Variants in PLCB1 observed in about 807,000 individuals in gnomAD.
The protein encoded by PLCB1 is phospholipase C beta 1.
PLCB1 carries 46 observed loss-of-function variants against 161.8 expected under a neutral mutation model. That is an observed-to-expected ratio of 0.28 (90% confidence interval 0.22 to 0.36). The LOEUF is 0.36. PLCB1 is among the 10% of genes least tolerant of loss of function. The pLI, the probability that PLCB1 is intolerant of heterozygous loss-of-function variation, is 1.00. For missense variants in PLCB1, 1,016 were observed against 1,472.5 expected (o/e 0.69, Z 5.07); for synonymous variants, 517 against 503.7 (o/e 1.03, Z -0.35).
At chr20:8,569,876 G>A (rs149342555) in intron 3 of PLCB1, among the ~76,000 whole-genome samples, 7 of 152,232 alleles carry the variant, frequency 4.6e-5, no homozygotes, top group African/African-American at 1.2e-4. Context: ...CAATTACAAT[G>A]TTTTATTTGC....
intron 3 of PLCB1, among the ~76,000 whole-genome samples, chr20:8,600,101 G>A (rs1212626107): frequency 2.3e-4 from 29 of 125,386 alleles, no homozygotes; most frequent in Non-Finnish European, 4.0e-4. Context: ...CTCTCAGCTC[G>A]TCAAAGTCAT....
intron 3 of PLCB1, among the ~76,000 whole-genome samples, chr20:8,486,804 T>C (rs1195348225): frequency 6.6e-6 from 1 of 152,142 alleles, no homozygotes; most frequent in Non-Finnish European, 1.5e-5. Flanking sequence ...CTCCAAAATA[T>C]TTTCTTAAGG....
At chr20:8,390,141 A>C (rs565899793) in intron 3 of PLCB1, among the ~76,000 whole-genome samples, 1 of 152,314 alleles carries the variant, frequency 6.6e-6, no homozygotes, top group South Asian at 2.1e-4. Flanking sequence ...AAAGTACCAC[A>C]GGCTAAGTGG....
At chr20:8,170,841 G>A (rs1423025078) in intron 2 of PLCB1, among the ~76,000 whole-genome samples, 5 of 152,122 alleles carry the variant, frequency 3.3e-5, no homozygotes, top group Non-Finnish European at 4.4e-5. Context: ...CAATACAGTC[G>A]TTCTGAGAGA....
At chr20:8,431,992 T>C (rs1291329257) in intron 3 of PLCB1, among the ~76,000 whole-genome samples, 1 of 151,938 alleles carries the variant, frequency 6.6e-6, no homozygotes, top group Admixed American at 6.6e-5. Flanking sequence ...GCAACCACCA[T>C]GTCACTGTGT....
Position 8,757,164 on chromosome 20 carries a change from G to A in PLCB1, c.2642G>A (p.Ser881Asn), listed in dbSNP as rs1231040361. ...TPKPPSQALH[S>N]QPAPGSVKAP... ...AAGCCACCCTCCCAGGCTCTCCACA[G>A]CCAGCCAGCTCCAGGTAAGCCATCT... The change falls in exon 24 of 32, where the codon AGC becomes AAC. Residue 881 changes from serine to asparagine, a missense_variant. Physicochemically the swap from Ser to Asn is conservative, Grantham distance 46. Transcript: ENST00000338037. The A allele has an allele frequency of 6.2e-6, 10 of 1,610,998 alleles. No individual in the cohort carries two copies. Among genetic ancestry groups the A allele is most frequent in the Non-Finnish European group, 7.6e-6 (9 of 1,178,622 alleles).
intron 9 of PLCB1, among the ~76,000 whole-genome samples, chr20:8,667,945 G>A (rs1480972782): frequency 6.6e-6 from 1 of 152,106 alleles, no homozygotes; most frequent in Admixed American, 6.5e-5. Flanking sequence ...TTGTCAGCAG[G>A]GTCTAGGAGC....
At chr20:8,568,768 A>G (rs752363238) in intron 3 of PLCB1, among the ~76,000 whole-genome samples, 5 of 152,100 alleles carry the variant, frequency 3.3e-5, no homozygotes, top group Admixed American at 6.6e-5. Context: ...TGGCTCTCTT[A>G]AGGTGGATTC....
chr20:8,375,943 CAA>C (rs34790517), intron 3 of PLCB1, among the ~76,000 whole-genome samples: 6,069 of 93,022 alleles, frequency 0.065, 369 homozygotes, highest in African/African-American at 0.21. Context: ...CCAAGTGAAC[CAA>C]AAAAAAAAAA....
intron 4 of PLCB1, among the ~76,000 whole-genome samples, chr20:8,631,816 A>C (rs1352789186): frequency 1.3e-5 from 2 of 152,214 alleles, no homozygotes; most frequent in Non-Finnish European, 2.9e-5. Flanking sequence ...ATAATATAAA[A>C]AGAAAATCTT....
chr20:8,686,964 T>C (rs1444723649), intron 10 of PLCB1, among the ~76,000 whole-genome samples: 1 of 152,128 alleles, frequency 6.6e-6, no homozygotes, highest in Non-Finnish European at 1.5e-5. Flanking sequence ...AATTTTTTTT[T>C]GTCTTTTTAA....
chr20:8,779,546 C>T (rs1196629658), intron 27 of PLCB1, among the ~76,000 whole-genome samples: 2 of 135,786 alleles, frequency 1.5e-5, no homozygotes, highest in Admixed American at 7.9e-5. Context: ...GGATCTGTGT[C>T]CCTAGAGCTC....
rs182795948 is a variant in PLCB1, at chr20:8,435,464, A to G, written c.246+64014A>G. ...CTGACTTAATTAGGTGAAAGCCCTT[A>G]AAAAAGGAACTGGGCCCTTCTGGAG... On this transcript the variant is annotated intron_variant, in intron 3 of 31. Coordinates refer to ENST00000338037, the MANE Select transcript of PLCB1 (RefSeq NM_015192.4). 2.0e-5 allele frequency among the ~76,000 whole-genome samples: 3 copies of G among 152,312 alleles called. No homozygotes were observed. In the East Asian group the frequency reaches 5.8e-4, roughly 29 times the overall value.
intron 3 of PLCB1, among the ~76,000 whole-genome samples, chr20:8,470,944 G>A (rs1300953954): frequency 6.6e-6 from 1 of 151,898 alleles, no homozygotes; most frequent in African/African-American, 2.4e-5. Flanking sequence ...TAGAAAGTGG[G>A]TAATTACTAA....
intron 9 of PLCB1, among the ~76,000 whole-genome samples, chr20:8,683,946 C>T (rs961357925): frequency 1.6e-4 from 24 of 150,910 alleles, no homozygotes; most frequent in East Asian, 3.9e-4. Flanking sequence ...TGTAGTGGTG[C>T]GATCTCAGCT....
chr20:8,165,497 T>A (rs946855650), intron 2 of PLCB1, among the ~76,000 whole-genome samples: 2 of 152,238 alleles, frequency 1.3e-5, no homozygotes, highest in Admixed American at 1.3e-4. Context: ...TCTTCTGGAA[T>A]ACCTTGTGCC....
intron 3 of PLCB1, among the ~76,000 whole-genome samples, chr20:8,607,750 T>C (rs1987798318): frequency 6.6e-6 from 1 of 152,244 alleles, no homozygotes; most frequent in Non-Finnish European, 1.5e-5. Flanking sequence ...TATGCATTAT[T>C]TACATGTGCC....
chr20:8,330,323 C>T (rs1033878585), intron 2 of PLCB1, among the ~76,000 whole-genome samples: 9 of 152,200 alleles, frequency 5.9e-5, no homozygotes, highest in African/African-American at 1.9e-4. Context: ...AAGCAACTTG[C>T]ACCAAGCCTC....
intron 24 of PLCB1, among the ~76,000 whole-genome samples, chr20:8,759,655 C>G (rs1981912160): frequency 6.6e-6 from 1 of 152,078 alleles, no homozygotes; most frequent in Admixed American, 6.6e-5. Flanking sequence ...CGTGCACCAT[C>G]ACACCCGGCT....
Sources: gnomAD v4.1 joint callset for allele counts (sites outside exome capture counted in the v4.1 genomes callset) on GRCh38, gnomAD v4.1.1 for gene constraint, MANE v1.5 for transcripts, NCBI Gene and HGNC (gene_info 2026-07-23, HGNC 2026-07-21) for gene names.